Variants in BNC2 observed in about 807,000 individuals in gnomAD.
The protein encoded by BNC2 is basonuclin zinc finger protein 2, also known as zinc finger protein basonuclin-2.
BNC2 carries 20 observed loss-of-function variants against 76.3 expected under a neutral mutation model. That is an observed-to-expected ratio of 0.26 (90% CI 0.18 to 0.38). The LOEUF is 0.38. Ranked by LOEUF, BNC2 falls within the 10% of genes least tolerant of loss-of-function variation. The pLI is 1.00. For missense variants in BNC2, 1,382 were observed against 1,399.8 expected (o/e 0.99, Z 0.20); for synonymous variants, 582 against 514.8 (o/e 1.13, Z -1.77).
intron 1 of BNC2, among the ~76,000 whole-genome samples, chr9:16,769,902 TG>T (rs569202245): frequency 3.6e-4 from 55 of 152,292 alleles, no homozygotes; most frequent in African/African-American, 1.2e-3. Flanking sequence ...AGGCTCTAAG[TG>T]GGTGCTCCAG....
At chr9:16,685,138 C>T (rs1822936781) in intron 3 of BNC2, among the ~76,000 whole-genome samples, 1 of 152,134 alleles carries the variant, frequency 6.6e-6, no homozygotes, top group South Asian at 2.1e-4. Context: ...CTGTTATGTG[C>T]CAGGTCCTGC....
chr9:16,824,564 A>T (rs900079338), intron 1 of BNC2, among the ~76,000 whole-genome samples: 7 of 152,054 alleles, frequency 4.6e-5, no homozygotes, highest in African/African-American at 1.7e-4. Context: ...CATATTCTCA[A>T]TGCTCCAGCA....
chr9:16,865,105 A>G (rs1028717264), intron 1 of BNC2, among the ~76,000 whole-genome samples: 14 of 151,908 alleles, frequency 9.2e-5, no homozygotes, highest in Admixed American at 6.6e-4. Flanking sequence ...TAAGGTCATT[A>G]TAAGAGAAAA....
At chr9:16,849,352 ATTTTTTTT>A (rs35561834) in intron 1 of BNC2, among the ~76,000 whole-genome samples, 4 of 90,084 alleles carry the variant, frequency 4.4e-5, no homozygotes, top group Non-Finnish European at 8.0e-5. Flanking sequence ...CATGCAAAAG[ATTTTTTTT>A]TTTTTTTTTT....
At chr9:16,839,408 C>G (rs557821250) in intron 1 of BNC2, among the ~76,000 whole-genome samples, 2 of 152,166 alleles carry the variant, frequency 1.3e-5, no homozygotes, top group African/African-American at 2.4e-5. Flanking sequence ...AAATACTGCC[C>G]AAATTACTAG....
intron 1 of BNC2, among the ~76,000 whole-genome samples, chr9:16,804,870 T>A (rs895572791): frequency 6.6e-6 from 1 of 152,060 alleles, no homozygotes; most frequent in African/African-American, 2.4e-5. Context: ...GAGACCAGCC[T>A]GGCCAATACA....
At chr9:16,524,056 G>A (rs1035745747) in intron 5 of BNC2, among the ~76,000 whole-genome samples, 6 of 152,190 alleles carry the variant, frequency 3.9e-5, no homozygotes, top group Admixed American at 2.6e-4. Flanking sequence ...TGTGAAATAA[G>A]CTGCTTCTTC....
intron 1 of BNC2, among the ~76,000 whole-genome samples, chr9:16,752,155 G>C (rs954183723): frequency 3.3e-5 from 5 of 152,000 alleles, no homozygotes; most frequent in Non-Finnish European, 7.4e-5. Context: ...TAAGAGATCC[G>C]AAGATAAACT....
At chr9:16,688,427 T>C (rs900394187) in intron 3 of BNC2, among the ~76,000 whole-genome samples, 1 of 152,224 alleles carries the variant, frequency 6.6e-6, no homozygotes, top group South Asian at 2.1e-4. Flanking sequence ...TAGTCTATTG[T>C]AAATTAGGAT....
At chr9:16,806,389 A>G (rs1208226811) in intron 1 of BNC2, among the ~76,000 whole-genome samples, 1 of 152,138 alleles carries the variant, frequency 6.6e-6, no homozygotes, top group African/African-American at 2.4e-5. Context: ...AAAAAAGAAA[A>G]GAAAAGAAAG....
chr9:16,502,080 A>G (rs1822530430), intron 5 of BNC2, among the ~76,000 whole-genome samples: 1 of 152,066 alleles, frequency 6.6e-6, no homozygotes, highest in African/African-American at 2.4e-5. Context: ...GCATGGAAGG[A>G]GTGGGGGTCT....
At chr9:16,591,692 T>C (rs186538905) in intron 3 of BNC2, among the ~76,000 whole-genome samples, 6 of 152,276 alleles carry the variant, frequency 3.9e-5, no homozygotes, top group Admixed American at 3.3e-4. Flanking sequence ...CCTAATGTAA[T>C]AGTAACAGCA....
chr9:16,816,189 T>G (rs1179770298), intron 1 of BNC2, among the ~76,000 whole-genome samples: 3 of 152,160 alleles, frequency 2.0e-5, no homozygotes, highest in Non-Finnish European at 4.4e-5. Context: ...CTTGAGACAT[T>G]GTTCTGGCCA....
At chr9:16,533,406 A>G (rs930259286) in intron 5 of BNC2, among the ~76,000 whole-genome samples, 3 of 152,216 alleles carry the variant, frequency 2.0e-5, no homozygotes, top group African/African-American at 7.2e-5. Flanking sequence ...GAAAACTGTC[A>G]TTTGATCTAT....
At chr9:16,552,029 T>C (rs1448569568) in intron 5 of BNC2, among the ~76,000 whole-genome samples, 1 of 152,162 alleles carries the variant, frequency 6.6e-6, no homozygotes, top group Non-Finnish European at 1.5e-5. Context: ...TAAGTTTATA[T>C]GGATTATAGT....
At chr9:16,701,705 G>C (rs1823518287) in intron 3 of BNC2, among the ~76,000 whole-genome samples, 1 of 152,096 alleles carries the variant, frequency 6.6e-6, no homozygotes, top group African/African-American at 2.4e-5. Context: ...ACTTTGGAAG[G>C]CTGAGGGGGG....
chr9:16,463,490 G>A (rs1417793600), intron 5 of BNC2, among the ~76,000 whole-genome samples: 2 of 143,048 alleles, frequency 1.4e-5, no homozygotes, highest in Admixed American at 6.8e-5. Flanking sequence ...TAGAGACGGG[G>A]TTTCACCGTT....
chr9:16,496,630 G>A (rs562628251), intron 5 of BNC2, among the ~76,000 whole-genome samples: 2 of 152,112 alleles, frequency 1.3e-5, no homozygotes, highest in Non-Finnish European at 2.9e-5. Flanking sequence ...ATGCTCTGCA[G>A]TTTCTTTAAA....
chr9:16,582,473 A>G (rs932147993), intron 4 of BNC2, among the ~76,000 whole-genome samples: 1 of 152,098 alleles, frequency 6.6e-6, no homozygotes, highest in Non-Finnish European at 1.5e-5. Context: ...TACAGGTTAT[A>G]TTTTCAGATA....
Sources: allele counts gnomAD v4.1 joint callset (sites outside exome capture counted in the v4.1 genomes callset), GRCh38; gene constraint gnomAD v4.1.1; transcripts MANE v1.5; gene names NCBI Gene and HGNC (gene_info 2026-07-23, HGNC 2026-07-21).